Variants in DNAAF4 observed in about 807,000 individuals in gnomAD.
DNAAF4 encodes the protein dynein axonemal assembly factor 4, also known as dynein assembly factor 4, axonemal.
In DNAAF4, 43 loss-of-function variants were observed where a neutral mutation model predicts 51.8. The observed-to-expected ratio is 0.83, with a 90% CI of 0.65 to 1.07. DNAAF4 has a LOEUF of 1.07. DNAAF4 is among the 50% of genes least tolerant of loss of function. The pLI is 0.00. For missense variants in DNAAF4, 581 were observed against 493.0 expected (o/e 1.18, Z -1.69); for synonymous variants, 194 against 165.6 (o/e 1.17, Z -1.32).
rs111911388 is a variant in DNAAF4, at chr15:55,448,519, GGTGTGTGTGTGTGTGTGT to G, written c.783+1685_783+1702del. On this transcript the variant is annotated intron_variant, in intron 6 of 9. Coordinates refer to ENST00000321149, the MANE Select transcript of DNAAF4 (RefSeq NM_130810.4). Reference sequence around the variant, plus strand: ...CCAACTCAAAAAAAAAAAAAAAAAGGGTGTGTGTGTGTGTGTGTGTGTGTGTGTGTGTGTGTGTGTATA... The same window carrying G: ...CCAACTCAAAAAAAAAAAAAAAAAGGGTGTGTGTGTGTGTGTGTGTGTATA... Among the ~76,000 whole-genome samples the G allele has an allele frequency of 5.2e-4, 52 of 99,906 alleles. 1 individual carries two copies. The South Asian group carries it at 0.014, about 26-fold the overall frequency. The allele number at this position is 99,906 out of a possible 152,430, so 65.5% of individuals were successfully genotyped here. A position where few individuals can be genotyped will look rare whatever the true frequency, so the allele number is the denominator to read the frequency against.
intron 6 of DNAAF4, 101 bp downstream of exon 6, chr15:55,450,121 T>G: frequency 7.9e-7 from 1 of 1,272,030 alleles, no homozygotes; most frequent in Non-Finnish European, 1.1e-6. Context: ...TTTAGTGTAA[T>G]AAATACTTAA....
chr15:55,464,994 G>A (rs894619124), intron 5 of DNAAF4, among the ~76,000 whole-genome samples: 2 of 152,064 alleles, frequency 1.3e-5, no homozygotes, highest in African/African-American at 4.8e-5. Context: ...CAACAAACAT[G>A]AAAAAATGCT....
In DNAAF4 at chr15:55,434,980, T is replaced by C. The variant is rs1367795588; in HGVS notation, c.972A>G (p.Pro324=). 3 of 1,613,420 alleles carry C rather than the reference T, an allele frequency of 1.9e-6. No homozygotes were observed. The highest frequency in any genetic ancestry group is 1.7e-5 in the Admixed American group (1 of 59,842). Residue 324 remains proline, a synonymous_variant, in exon 8 of 10, where the codon CCA becomes CCG. Coordinates refer to ENST00000321149, the MANE Select transcript of DNAAF4 (RefSeq NM_130810.4). The part of the protein sequence containing the change: ...NLAIRLNNKM[P]LLYLNRAACH... ...AAGCAGCCCGGTTCAAATACAATAG[T>C]GGCATCTTATTATTTAGTCTTATGG...
intron 3 of DNAAF4, among the ~76,000 whole-genome samples, chr15:55,494,894 T>A (rs914276477): frequency 3.3e-5 from 5 of 152,122 alleles, no homozygotes; most frequent in African/African-American, 1.2e-4. Flanking sequence ...TTAGATGAAA[T>A]TCAAATTTCA....
chr15:55,466,810 C>T (rs879654970), intron 5 of DNAAF4, 120 bp downstream of exon 5: 34 of 1,240,860 alleles, frequency 2.7e-5, no homozygotes, highest in Non-Finnish European at 3.7e-5. Flanking sequence ...TACTGAATTG[C>T]TTATTCTCAA....
intron 6 of DNAAF4, 34 bp from the exon 7 acceptor site, chr15:55,439,615 A>C (rs2057674589): frequency 6.4e-7 from 1 of 1,570,110 alleles, no homozygotes; most frequent in African/African-American, 1.4e-5. Flanking sequence ...GAAGAATAAA[A>C]AGGTCTTTTT....
At position 55,449,995 on chromosome 15, in the gene DNAAF4, G is replaced by A. The variant is rs111782094; in HGVS notation, c.783+227C>T. Among the ~76,000 whole-genome samples the A allele has an allele frequency of 1.0e-3, 154 of 151,996 alleles. 1 individual carries two copies. The highest frequency in any genetic ancestry group is 3.3e-3 in the African/African-American group (137 of 41,484). On this transcript the variant is annotated intron_variant, in intron 6 of 9. Coordinates refer to ENST00000321149, the MANE Select transcript of DNAAF4 (RefSeq NM_130810.4). Reference sequence around the variant, plus strand: ...ATTGCAGGCATGAGCCACTGCGCCCGGCCTACTGTACATATATTAAGTCGG... The same window carrying A: ...ATTGCAGGCATGAGCCACTGCGCCCAGCCTACTGTACATATATTAAGTCGG...
intron 1 of DNAAF4, among the ~76,000 whole-genome samples, chr15:55,502,243 G>A (rs1248163700): frequency 6.6e-6 from 1 of 152,012 alleles, no homozygotes; most frequent in Non-Finnish European, 1.5e-5. Context: ...AAGGAGGTTT[G>A]GTTCCCCCAT....
intron 5 of DNAAF4, among the ~76,000 whole-genome samples, chr15:55,455,735 A>G (rs1170075512): frequency 6.6e-6 from 1 of 152,118 alleles, no homozygotes; most frequent in Non-Finnish European, 1.5e-5. Context: ...CCCAGGCTCT[A>G]AATGACTTTT....
At position 55,459,765 on chromosome 15, in the gene DNAAF4, G is replaced by A. The variant is rs527309253; in HGVS notation, c.637+7165C>T. 6.7e-4 allele frequency among the ~76,000 whole-genome samples: 102 copies of A among 151,186 alleles called. 1 individual carries two copies. The highest frequency in any genetic ancestry group is 2.3e-3 in the African/African-American group (96 of 41,052). ...GTTGCCCAGGCTGGAGTGTAGTGGT[G>A]CAATCTTGGCTCACTGCAACCTCTG... On this transcript the variant is annotated intron_variant, in intron 5 of 9. Coordinates refer to ENST00000321149, the MANE Select transcript of DNAAF4 (RefSeq NM_130810.4).
At chr15:55,441,300 G>A (rs1482472994) in intron 6 of DNAAF4, among the ~76,000 whole-genome samples, 9 of 151,690 alleles carry the variant, frequency 5.9e-5, no homozygotes, top group Admixed American at 1.3e-4. Flanking sequence ...TCGAACTCCC[G>A]ACCTTGTGAT....
intron 5 of DNAAF4, among the ~76,000 whole-genome samples, chr15:55,463,526 C>A (rs1165852179): frequency 1.3e-5 from 2 of 152,022 alleles, no homozygotes; most frequent in East Asian, 3.9e-4. Flanking sequence ...TGATCGTATA[C>A]CTAGAAAATC....
intron 4 of DNAAF4, among the ~76,000 whole-genome samples, chr15:55,479,272 A>C (rs1282511081): frequency 6.6e-6 from 1 of 151,934 alleles, no homozygotes; most frequent in Non-Finnish European, 1.5e-5. Flanking sequence ...GGGACCCCGA[A>C]TGGAGGGACT....
rs1008886430 is a variant in DNAAF4 at position 55,498,593 on chromosome 15, G to C, written c.-255-9C>G. 7 of 72,524 alleles carry C rather than the reference G, an allele frequency of 9.7e-5. No individual in the cohort carries two copies. Among genetic ancestry groups the C allele is most frequent in the Non-Finnish European group, 1.2e-4 (5 of 41,258 alleles). The allele number at this position is 72,524 out of a possible 1,614,324, so 4.5% of individuals were successfully genotyped here. On this transcript the variant is annotated splice_polypyrimidine_tract_variant and intron_variant, in intron 1 of 9. Transcript: ENST00000321149. ...AAGTAGACCCATACCCTCTGCTTGAGAAAAAAAAAAAAAAAAAAAAGCACT... is the reference window on the plus strand; with the variant it reads ...AAGTAGACCCATACCCTCTGCTTGACAAAAAAAAAAAAAAAAAAAAGCACT...
chr15:55,420,716 C>T (rs1426862868), intron 7 of DNAAF4, among the ~76,000 whole-genome samples: 1 of 152,166 alleles, frequency 6.6e-6, no homozygotes, highest in African/African-American at 2.4e-5. Context: ...TATGCAATAA[C>T]ATTTTAGTTT....
At chr15:55,479,024 G>A (rs976551930) in intron 4 of DNAAF4, among the ~76,000 whole-genome samples, 3 of 151,832 alleles carry the variant, frequency 2.0e-5, no homozygotes, top group Non-Finnish European at 4.4e-5. Context: ...ACCACCCTTA[G>A]TTAAGGCTAC....
chr15:55,465,813 G>A (rs375097315), intron 5 of DNAAF4, among the ~76,000 whole-genome samples: 5 of 151,958 alleles, frequency 3.3e-5, no homozygotes, highest in South Asian at 2.1e-4. Context: ...TGATCTGCCC[G>A]CCTTGTCCTC....
At chr15:55,431,648 T>C (rs567778240) in intron 9 of DNAAF4, among the ~76,000 whole-genome samples, 22 of 151,682 alleles carry the variant, frequency 1.5e-4, no homozygotes, top group African/African-American at 4.1e-4. Flanking sequence ...CTAATTTTGT[T>C]TTTGTATTTT....
chr15:55,503,935 C>T (rs2058712957), intron 1 of DNAAF4, among the ~76,000 whole-genome samples: 1 of 152,218 alleles, frequency 6.6e-6, no homozygotes, highest in African/African-American at 2.4e-5. Context: ...GGCAATCAGG[C>T]AAGAGAAAGC....
Sources: allele counts gnomAD v4.1 joint callset (sites outside exome capture counted in the v4.1 genomes callset), GRCh38; gene constraint gnomAD v4.1.1; transcripts MANE v1.5; gene names NCBI Gene and HGNC (gene_info 2026-07-23, HGNC 2026-07-21).